ZFHX3: variants seen among roughly 807,000 people sequenced by gnomAD.
The protein encoded by ZFHX3 is zinc finger homeobox protein 3.
Under a neutral mutation model 279.1 loss-of-function variants are expected in ZFHX3, and 42 were observed. The ratio of observed to expected loss-of-function variants is 0.15; its 90% CI spans 0.12 to 0.19. ZFHX3 has a LOEUF of 0.19. ZFHX3 is among the 10% of genes least tolerant of loss of function. The pLI, the probability that ZFHX3 is intolerant of heterozygous loss-of-function variation, is 1.00. For missense variants in ZFHX3, 4,981 were observed against 4,754.0 expected, an observed-to-expected ratio of 1.05 and a Z score of -1.40; for synonymous variants, 2,293 against 1,957.8, an observed-to-expected ratio of 1.17 and a Z score of -4.52.
chr16:73,022,389 C>G (rs1964332053), intron 1 of ZFHX3, among the ~76,000 whole-genome samples: 1 of 152,140 alleles, frequency 6.6e-6, no homozygotes, highest in Admixed American at 6.5e-5. Flanking sequence ...CTGCAGGCCC[C>G]TGGTCAGCAG....
chr16:72,849,792 C>G (rs2037567154), intron 4 of ZFHX3, among the ~76,000 whole-genome samples: 1 of 136,260 alleles, frequency 7.3e-6, no homozygotes, highest in Non-Finnish European at 1.5e-5. Flanking sequence ...GTCAAGAGTG[C>G]CTTTACTTAG....
chr16:73,704,345 G>A (rs1322275098), intron 1 of ZFHX3, among the ~76,000 whole-genome samples: 1 of 152,150 alleles, frequency 6.6e-6, no homozygotes, highest in Non-Finnish European at 1.5e-5. Context: ...GTTCTTCAGG[G>A]AATGAACAAG....
At chr16:73,520,472 A>T (rs1440339636) in intron 2 of ZFHX3, among the ~76,000 whole-genome samples, 2 of 152,220 alleles carry the variant, frequency 1.3e-5, no homozygotes, top group African/African-American at 4.8e-5. Flanking sequence ...TGTAATTATG[A>T]AATAATTGTC....
chr16:73,072,928 C>G (rs940812117), intron 8 of ZFHX3, among the ~76,000 whole-genome samples: 1 of 151,650 alleles, frequency 6.6e-6, no homozygotes, highest in African/African-American at 2.4e-5. Context: ...GACGGAGTCT[C>G]ACTCTGTGCC....
intron 1 of ZFHX3, among the ~76,000 whole-genome samples, chr16:73,864,004 T>G (rs919702988): frequency 6.6e-6 from 1 of 152,182 alleles, no homozygotes; most frequent in Non-Finnish European, 1.5e-5. Flanking sequence ...AATTCCAGCT[T>G]CAAGTCACAA....
intron 2 of ZFHX3, among the ~76,000 whole-genome samples, chr16:73,462,327 A>G (rs2018486362): frequency 6.6e-6 from 1 of 152,030 alleles, no homozygotes; most frequent in African/African-American, 2.4e-5. Context: ...ATCCCTTGAG[A>G]TTTTCAATGT....
intron 3 of ZFHX3, among the ~76,000 whole-genome samples, chr16:73,332,506 A>T (rs2015825247): frequency 6.6e-6 from 1 of 152,222 alleles, no homozygotes; most frequent in South Asian, 2.1e-4. Context: ...CTCTGGCTGA[A>T]CTACCACCCA....
intron 7 of ZFHX3, among the ~76,000 whole-genome samples, chr16:73,104,795 G>A (rs1219627356): frequency 6.6e-6 from 1 of 152,120 alleles, no homozygotes; most frequent in Non-Finnish European, 1.5e-5. Context: ...TACTTCAGAA[G>A]CCTTCCTTGG....
chr16:73,641,881 C>G (rs375757885), intron 2 of ZFHX3, among the ~76,000 whole-genome samples: 1 of 152,084 alleles, frequency 6.6e-6, no homozygotes, highest in Non-Finnish European at 1.5e-5. Flanking sequence ...AGTAAACAAG[C>G]AAACGTCAGT....
intron 5 of ZFHX3, among the ~76,000 whole-genome samples, chr16:72,812,489 C>T (rs960845963): frequency 7.9e-5 from 12 of 152,148 alleles, no homozygotes; most frequent in African/African-American, 2.7e-4. Context: ...TATTGTCCCT[C>T]CTCTTGGAAT....
At chr16:73,748,362 A>T (rs1280123794) in intron 1 of ZFHX3, among the ~76,000 whole-genome samples, 1 of 152,130 alleles carries the variant, frequency 6.6e-6, no homozygotes, top group Non-Finnish European at 1.5e-5. Context: ...CTAAAATTAC[A>T]CTTCAAGTCA....
intron 1 of ZFHX3, among the ~76,000 whole-genome samples, chr16:73,014,082 G>A (rs1217108926): frequency 6.6e-6 from 1 of 152,168 alleles, no homozygotes; most frequent in South Asian, 2.1e-4. Context: ...TCAGGCAGAA[G>A]AAGGAGATGT....
intron 2 of ZFHX3, among the ~76,000 whole-genome samples, chr16:73,576,176 C>T (rs1296696360): frequency 6.6e-6 from 1 of 152,114 alleles, no homozygotes; most frequent in African/African-American, 2.4e-5. Flanking sequence ...AAACAATCCC[C>T]ATTTAAGCAG....
chr16:72,790,706 A>G (rs2035661647), intron 9 of ZFHX3: 1 of 152,248 alleles, frequency 6.6e-6, no homozygotes, highest in South Asian at 2.1e-4. Flanking sequence ...AAAGCTTAGT[A>G]AAGACTTGTT....
intron 3 of ZFHX3, among the ~76,000 whole-genome samples, chr16:73,407,280 AC>A (rs1416278945): frequency 2.0e-5 from 3 of 152,158 alleles, no homozygotes; most frequent in Non-Finnish European, 2.9e-5. Context: ...ATGCTTTGTG[AC>A]TAAAAGTAGC....
intron 1 of ZFHX3, among the ~76,000 whole-genome samples, chr16:73,777,352 A>G (rs2142298922): frequency 6.6e-6 from 1 of 151,940 alleles, no homozygotes; most frequent in Non-Finnish European, 1.5e-5. Flanking sequence ...AAATATAAAA[A>G]ATTAGCCAGG....
chr16:73,560,015 G>T (rs1249545692), intron 2 of ZFHX3, among the ~76,000 whole-genome samples: 1 of 152,138 alleles, frequency 6.6e-6, no homozygotes, highest in Non-Finnish European at 1.5e-5. Flanking sequence ...AATTAAAAGG[G>T]CTTGTTTCAC....
At chr16:73,871,246 C>G (rs1427464944) in intron 1 of ZFHX3, among the ~76,000 whole-genome samples, 1 of 152,152 alleles carries the variant, frequency 6.6e-6, no homozygotes, top group Non-Finnish European at 1.5e-5. Context: ...GAAAGTTGTG[C>G]ACCAGGAATG....
chr16:72,909,031 T>G (rs531677259), intron 3 of ZFHX3, among the ~76,000 whole-genome samples: 2 of 152,322 alleles, frequency 1.3e-5, no homozygotes, highest in Non-Finnish European at 2.9e-5. Flanking sequence ...GGATGCAGGT[T>G]TAGTTACCAT....
Sources: gnomAD v4.1 joint callset for allele counts (sites outside exome capture counted in the v4.1 genomes callset) on GRCh38, gnomAD v4.1.1 for gene constraint, MANE v1.5 for transcripts, NCBI Gene and HGNC (gene_info 2026-07-23, HGNC 2026-07-21) for gene names.